Variants in RUNX2 observed in about 807,000 individuals in gnomAD.
RUNX2 encodes runt-related transcription factor 2.
Under a neutral mutation model 51.7 loss-of-function variants are expected in RUNX2, and 10 were observed. The ratio of observed to expected loss-of-function variants is 0.19; its 90% CI spans 0.12 to 0.33. The LOEUF (loss-of-function observed/expected upper bound fraction) is 0.33. Ranked by LOEUF, RUNX2 falls within the 10% of genes least tolerant of loss-of-function variation. The probability of loss-of-function intolerance (pLI) is 1.00; values close to 1 mark genes in which losing one functional copy is unlikely to be tolerated. For missense variants in RUNX2, 562 were observed against 691.3 expected (o/e 0.81, Z 2.10); for synonymous variants, 276 against 273.6 (o/e 1.01, Z -0.09).
At chr6:45,400,059 G>T (rs527567308) in intron 2 of RUNX2, among the ~76,000 whole-genome samples, 1 of 112,404 alleles carries the variant, frequency 8.9e-6, no homozygotes. Flanking sequence ...AGGAGGGAGG[G>T]AAGGAAGGAA....
chr6:45,520,588 G>T (rs908580080), intron 7 of RUNX2, among the ~76,000 whole-genome samples: 2 of 152,134 alleles, frequency 1.3e-5, no homozygotes, highest in Non-Finnish European at 2.9e-5. Flanking sequence ...TCTTTGCACT[G>T]GGGGGCAGGG....
At chr6:45,459,238 T>C (rs1447968559) in intron 5 of RUNX2, among the ~76,000 whole-genome samples, 1 of 152,220 alleles carries the variant, frequency 6.6e-6, no homozygotes, top group African/African-American at 2.4e-5. Context: ...ATTTTCAGTA[T>C]CAAAAACCGT....
intron 7 of RUNX2, among the ~76,000 whole-genome samples, chr6:45,518,003 C>G (rs1483569161): frequency 6.6e-6 from 1 of 152,118 alleles, no homozygotes; most frequent in Non-Finnish European, 1.5e-5. Context: ...TCTTAACTCA[C>G]AGGAGGGAGG....
intron 2 of RUNX2, among the ~76,000 whole-genome samples, chr6:45,380,773 C>T (rs1797223463): frequency 6.6e-6 from 1 of 152,086 alleles, no homozygotes; most frequent in African/African-American, 2.4e-5. Context: ...GACGGGGTTT[C>T]ACCATGTTGG....
intron 2 of RUNX2, among the ~76,000 whole-genome samples, chr6:45,345,097 T>G (rs896525280): frequency 6.6e-6 from 1 of 152,176 alleles, no homozygotes; most frequent in Admixed American, 6.6e-5. Context: ...TCATCTGCGC[T>G]GCCTCACATG....
At chr6:45,424,110 C>T (rs1013992670) in intron 3 of RUNX2, among the ~76,000 whole-genome samples, 2 of 152,262 alleles carry the variant, frequency 1.3e-5, no homozygotes, top group Non-Finnish European at 2.9e-5. Context: ...AGAGCGGCCT[C>T]TGCGCGCCCC....
At chr6:45,367,350 G>A (rs547943343) in intron 2 of RUNX2, among the ~76,000 whole-genome samples, 60 of 152,050 alleles carry the variant, frequency 3.9e-4, no homozygotes, top group African/African-American at 1.3e-3. Context: ...AAAGACCATC[G>A]CTTTTTTTAA....
At chr6:45,379,602 C>G (rs1379481807) in intron 2 of RUNX2, among the ~76,000 whole-genome samples, 1 of 152,078 alleles carries the variant, frequency 6.6e-6, no homozygotes, top group Non-Finnish European at 1.5e-5. Flanking sequence ...CGCGGTGGCT[C>G]ACGCCTGTAA....
intron 5 of RUNX2, among the ~76,000 whole-genome samples, chr6:45,482,032 A>G (rs1264832963): frequency 6.6e-6 from 1 of 152,244 alleles, no homozygotes; most frequent in East Asian, 1.9e-4. Flanking sequence ...AGAAAATACC[A>G]GTAGAGTTGT....
intron 5 of RUNX2, among the ~76,000 whole-genome samples, chr6:45,489,435 T>C (rs930974389): frequency 1.3e-5 from 2 of 152,170 alleles, no homozygotes; most frequent in Non-Finnish European, 2.9e-5. Flanking sequence ...TCACATCTCA[T>C]ACAGCCTCTA....
At chr6:45,444,815 G>C (rs566863781) in intron 5 of RUNX2, among the ~76,000 whole-genome samples, 30 of 152,268 alleles carry the variant, frequency 2.0e-4, no homozygotes, top group Admixed American at 1.6e-3. Flanking sequence ...CTCTTACGCT[G>C]TTCCACCTAG....
Position 45,512,121 on chromosome 6 carries a change from A to G in RUNX2, c.860-125A>G, listed in dbSNP as rs956104898. The G allele has an allele frequency of 2.1e-4, 159 of 751,820 alleles. 1 individual carries two copies. The highest frequency in any genetic ancestry group is 1.8e-4 in the Non-Finnish European group (81 of 453,098). The allele number at this position is 751,820 out of a possible 1,614,324, so 46.6% of individuals were successfully genotyped here. A position where few individuals can be genotyped will look rare whatever the true frequency, so the allele number is the denominator to read the frequency against. On this transcript the variant is annotated intron_variant, in intron 6 of 8. Transcript: ENST00000647337. ...TAAATAGCCATTCCTTATATATTATATATATATAAGCCATTTTTTTTTCTC... is the reference window on the plus strand; with the variant it reads ...TAAATAGCCATTCCTTATATATTATGTATATATAAGCCATTTTTTTTTCTC...
chr6:45,346,490 C>T (rs1031917175), intron 2 of RUNX2, among the ~76,000 whole-genome samples: 2 of 151,992 alleles, frequency 1.3e-5, no homozygotes, highest in Admixed American at 6.6e-5. Context: ...ACAAGAATTC[C>T]CTCTCTCCCA....
intron 2 of RUNX2, among the ~76,000 whole-genome samples, chr6:45,349,065 T>C (rs1235066826): frequency 1.3e-5 from 2 of 152,206 alleles, no homozygotes; most frequent in Non-Finnish European, 2.9e-5. Flanking sequence ...TTAAATTCTG[T>C]CATTACGTAA....
intron 4 of RUNX2, among the ~76,000 whole-genome samples, chr6:45,434,784 A>G (rs1798636026): frequency 6.6e-6 from 1 of 152,102 alleles, no homozygotes. Context: ...CTAGCTCCCT[A>G]TTTGAGAGCC....
chr6:45,513,536 C>G (rs1175051065), intron 7 of RUNX2: 1 of 152,222 alleles, frequency 6.6e-6, no homozygotes, highest in Non-Finnish European at 1.5e-5. Flanking sequence ...TTAGTTCAGA[C>G]TCCTTTATTT....
intron 2 of RUNX2, among the ~76,000 whole-genome samples, chr6:45,345,416 A>G (rs1297448646): frequency 6.6e-6 from 1 of 152,076 alleles, no homozygotes; most frequent in Non-Finnish European, 1.5e-5. Context: ...CTTCATCTCA[A>G]TTTCCATTTT....
chr6:45,412,952 T>C, intron 2 of RUNX2, among the ~76,000 whole-genome samples: 1 of 152,144 alleles, frequency 6.6e-6, no homozygotes, highest in East Asian at 1.9e-4. Flanking sequence ...GGTTTCACCA[T>C]GTTGGCCAGG....
chr6:45,402,538 T>A (rs980263030), intron 2 of RUNX2, among the ~76,000 whole-genome samples: 1 of 152,196 alleles, frequency 6.6e-6, no homozygotes, highest in African/African-American at 2.4e-5. Flanking sequence ...ATCAGTTATA[T>A]AAAGCATTAA....
Sources: allele counts gnomAD v4.1 joint callset (sites outside exome capture counted in the v4.1 genomes callset), GRCh38; gene constraint gnomAD v4.1.1; transcripts MANE v1.5; gene names NCBI Gene and HGNC (gene_info 2026-07-23, HGNC 2026-07-21).